Variants in PALS2 observed in about 807,000 individuals in gnomAD.
PALS2 encodes the protein protein PALS2.
A neutral mutation model predicts 61.6 loss-of-function variants in PALS2; 27 were observed. The ratio of observed to expected loss-of-function variants is 0.44; its 90% confidence interval spans 0.32 to 0.60. PALS2 has a LOEUF of 0.60. Among genes scored for constraint, PALS2 ranks in the 20% least tolerant of loss-of-function variants. The pLI, the probability that PALS2 is intolerant of heterozygous loss-of-function variation, is 0.05. For synonymous variants in PALS2, 236 were observed against 218.6 expected (o/e 1.08, Z -0.70); for missense variants, 554 against 639.4 (o/e 0.87, Z 1.44).
intron 5 of PALS2, among the ~76,000 whole-genome samples, chr7:24,657,973 T>C (rs537406162): frequency 1.3e-5 from 2 of 152,078 alleles, no homozygotes; most frequent in Non-Finnish European, 2.9e-5. Context: ...TTTCATCAAA[T>C]TTAGAAAAAC....
chr7:24,649,704 G>T lies in PALS2; in HGVS notation c.363G>T (p.Gln121His), dbSNP rs528082553. The change falls in exon 4 of 12, where the codon CAG becomes CAT. Residue 121 changes from glutamine (Q) to histidine (H), a missense_variant. Coordinates refer to ENST00000222644, the MANE Select transcript of PALS2 (RefSeq NM_001303037.2). ...PEMNNSSINN[Q>H]LLPVDAIRIL... The stretch of plus-strand genomic sequence containing the variant: ...TGAATAATTCTTCTATCAATAATCA[G>T]TTATTACCAGTAGATGCCATTCGTA... 1 of 1,611,438 alleles carries T rather than the reference G, an allele frequency of 6.2e-7. No individual in the cohort carries two copies. Among genetic ancestry groups the T allele is most frequent in the South Asian group, 1.1e-5 (1 of 90,578 alleles).
At chr7:24,660,536 A>G (rs775501243) in intron 5 of PALS2, among the ~76,000 whole-genome samples, 9 of 151,322 alleles carry the variant, frequency 5.9e-5, no homozygotes, top group Non-Finnish European at 1.3e-4. Flanking sequence ...TACACTTCCT[A>G]TTGACAAACA....
At chr7:24,602,648 A>C (rs1224337499) in intron 1 of PALS2, among the ~76,000 whole-genome samples, 1 of 152,056 alleles carries the variant, frequency 6.6e-6, no homozygotes, top group African/African-American at 2.4e-5. Context: ...ATATTATTTC[A>C]TTGTCTTTGG....
intron 1 of PALS2, among the ~76,000 whole-genome samples, chr7:24,599,733 G>A (rs1783650081): frequency 6.6e-6 from 1 of 151,872 alleles, no homozygotes; most frequent in Non-Finnish European, 1.5e-5. Flanking sequence ...TTGAACTCCT[G>A]ACCTCAAGTG....
chr7:24,664,549 G>A (rs1786914229), intron 6 of PALS2, among the ~76,000 whole-genome samples: 1 of 152,140 alleles, frequency 6.6e-6, no homozygotes, highest in Admixed American at 6.5e-5. Flanking sequence ...AATTAACTGA[G>A]ATGTTGGTAA....
chr7:24,624,414 C>A (rs555779065), intron 2 of PALS2, among the ~76,000 whole-genome samples: 2 of 152,022 alleles, frequency 1.3e-5, no homozygotes, highest in Admixed American at 6.6e-5. Flanking sequence ...ATGCCACATG[C>A]CTTCTTTGAT....
chr7:24,584,895 C>G (rs1168934384), intron 1 of PALS2, among the ~76,000 whole-genome samples: 2 of 151,942 alleles, frequency 1.3e-5, no homozygotes, highest in Non-Finnish European at 2.9e-5. Context: ...AGCCAGTGGT[C>G]CCAGCACCAT....
chr7:24,646,903 T>G (rs1254062163), intron 3 of PALS2, among the ~76,000 whole-genome samples: 1 of 152,146 alleles, frequency 6.6e-6, no homozygotes, highest in African/African-American at 2.4e-5. Flanking sequence ...TCTAGGAATT[T>G]ATCTCTCTTC....
At chr7:24,638,423 C>T (rs1260471908) in intron 2 of PALS2, among the ~76,000 whole-genome samples, 1 of 42,646 alleles carries the variant, frequency 2.3e-5, no homozygotes, top group South Asian at 1.1e-3. Flanking sequence ...CTCCGCCTCC[C>T]GGGTTCACGC....
intron 2 of PALS2, among the ~76,000 whole-genome samples, chr7:24,630,936 C>T (rs1449951155): frequency 6.6e-6 from 1 of 152,174 alleles, no homozygotes; most frequent in Non-Finnish European, 1.5e-5. Context: ...CTTGGTCACC[C>T]AAGAGCTCGG....
intron 1 of PALS2, among the ~76,000 whole-genome samples, chr7:24,620,524 A>G (rs1784456300): frequency 6.6e-6 from 1 of 152,140 alleles, no homozygotes; most frequent in Non-Finnish European, 1.5e-5. Flanking sequence ...AAGATCTTTA[A>G]AATAACCAAA....
At chr7:24,647,011 C>T (rs1284319698) in intron 3 of PALS2, among the ~76,000 whole-genome samples, 1 of 151,952 alleles carries the variant, frequency 6.6e-6, no homozygotes, top group East Asian at 1.9e-4. Flanking sequence ...TTCATCATTT[C>T]TAATTGTGTT....
chr7:24,629,785 C>T (rs1784917252), intron 2 of PALS2, among the ~76,000 whole-genome samples: 1 of 152,170 alleles, frequency 6.6e-6, no homozygotes, highest in South Asian at 2.1e-4. Context: ...GAGATACCTT[C>T]TCACACCAGT....
chr7:24,626,214 T>G (rs894408259), intron 2 of PALS2, among the ~76,000 whole-genome samples: 3 of 151,958 alleles, frequency 2.0e-5, no homozygotes, highest in Non-Finnish European at 4.4e-5. Flanking sequence ...CTGAAATTAG[T>G]TCACTGATAG....
intron 1 of PALS2, among the ~76,000 whole-genome samples, chr7:24,606,522 AAG>A (rs1783905408): frequency 1.3e-5 from 2 of 152,172 alleles, no homozygotes; most frequent in Admixed American, 1.3e-4. Context: ...ATTAGTCAGA[AAG>A]AGATGGTTGA....
chr7:24,654,446 A>T (rs565518907), intron 5 of PALS2, among the ~76,000 whole-genome samples: 6 of 152,326 alleles, frequency 3.9e-5, no homozygotes, highest in Admixed American at 1.3e-4. Context: ...TAAGATGAAG[A>T]CACAAAACTC....
intron 1 of PALS2, among the ~76,000 whole-genome samples, chr7:24,604,469 G>A (rs1385556657): frequency 6.6e-6 from 1 of 152,110 alleles, no homozygotes; most frequent in African/African-American, 2.4e-5. Flanking sequence ...TAAGAATAGG[G>A]AACAAAGCCT....
chr7:24,651,614 G>C (rs1034441459), intron 5 of PALS2, among the ~76,000 whole-genome samples: 1 of 152,148 alleles, frequency 6.6e-6, no homozygotes, highest in Non-Finnish European at 1.5e-5. Flanking sequence ...GAAAGAAAAA[G>C]AAATTGCGGA....
chr7:24,627,355 C>CT (rs1347611307), intron 2 of PALS2, among the ~76,000 whole-genome samples: 2 of 152,094 alleles, frequency 1.3e-5, no homozygotes, highest in African/African-American at 4.8e-5. Flanking sequence ...TGGGACACAG[C>CT]TAAAGCAGTG....
Sources: allele counts gnomAD v4.1 joint callset (sites outside exome capture counted in the v4.1 genomes callset), GRCh38; gene constraint gnomAD v4.1.1; transcripts MANE v1.5; gene names NCBI Gene and HGNC (gene_info 2026-07-23, HGNC 2026-07-21).